EYA4: variants seen among roughly 807,000 people sequenced by gnomAD.
EYA4 encodes the protein protein phosphatase EYA4.
Under a neutral mutation model 87.9 loss-of-function variants are expected in EYA4, and 31 were observed. That is an observed-to-expected ratio of 0.35 (90% CI 0.27 to 0.48). EYA4 has a LOEUF of 0.48. EYA4 is among the 20% of genes least tolerant of loss of function. The pLI, the probability that EYA4 is intolerant of heterozygous loss-of-function variation, is 0.99. For synonymous variants in EYA4, 263 were observed against 270.6 expected, an observed-to-expected ratio of 0.97 and a Z score of 0.28; for missense variants, 678 against 761.4, an observed-to-expected ratio of 0.89 and a Z score of 1.29.
chr6:133,371,730 C>A (rs995691853), intron 2 of EYA4, among the ~76,000 whole-genome samples: 1 of 152,258 alleles, frequency 6.6e-6, no homozygotes, highest in African/African-American at 2.4e-5. Flanking sequence ...CCAGGGGTGG[C>A]ACACATTTTG....
intron 2 of EYA4, among the ~76,000 whole-genome samples, chr6:133,275,482 CATG>C (rs916020640): frequency 1.3e-5 from 2 of 151,740 alleles, no homozygotes; most frequent in African/African-American, 4.8e-5. Flanking sequence ...ACGGACAACT[CATG>C]ATGTTACAAG....
At chr6:133,327,739 A>C (rs1318879462) in intron 2 of EYA4, among the ~76,000 whole-genome samples, 5 of 152,164 alleles carry the variant, frequency 3.3e-5, no homozygotes, top group Non-Finnish European at 5.9e-5. Context: ...AAATTCTCAG[A>C]AGTACACGTA....
intron 2 of EYA4, among the ~76,000 whole-genome samples, chr6:133,341,801 G>GA (rs1279578622): frequency 6.0e-5 from 9 of 150,960 alleles, no homozygotes; most frequent in East Asian, 3.9e-4. Flanking sequence ...CACTTAAGGG[G>GA]AAAAAAAAAC....
intron 16 of EYA4, among the ~76,000 whole-genome samples, chr6:133,514,488 C>T (rs906046047): frequency 5.9e-5 from 9 of 152,242 alleles, no homozygotes; most frequent in East Asian, 1.9e-4. Flanking sequence ...TTCTGTCATA[C>T]GTGAGCATCT....
chr6:133,474,843 A>G (rs193059578), intron 11 of EYA4, among the ~76,000 whole-genome samples: 10 of 152,310 alleles, frequency 6.6e-5, no homozygotes, highest in Admixed American at 3.3e-4. Flanking sequence ...GACTTAAAGT[A>G]GAAACCTAAA....
intron 3 of EYA4, among the ~76,000 whole-genome samples, chr6:133,416,344 G>T (rs1426701092): frequency 6.6e-6 from 1 of 152,206 alleles, no homozygotes; most frequent in Non-Finnish European, 1.5e-5. Context: ...ATGGGATTTG[G>T]TTAGTGAGGG....
chr6:133,334,267 A>AT (rs1306966486), intron 2 of EYA4, among the ~76,000 whole-genome samples: 1 of 152,256 alleles, frequency 6.6e-6, no homozygotes, highest in African/African-American at 2.4e-5. Context: ...ATTGTCTGTG[A>AT]TGTGCCTCAA....
chr6:133,292,278 T>C (rs1366537462), intron 2 of EYA4, among the ~76,000 whole-genome samples: 1 of 152,232 alleles, frequency 6.6e-6, no homozygotes, highest in African/African-American at 2.4e-5. Flanking sequence ...TATTTTAGAA[T>C]GTTGAATCAA....
intron 3 of EYA4, among the ~76,000 whole-genome samples, chr6:133,421,167 A>C (rs1005273609): frequency 2.6e-5 from 4 of 152,162 alleles, no homozygotes; most frequent in Non-Finnish European, 4.4e-5. Flanking sequence ...TGAGGTGTCT[A>C]CCTTTCTCTC....
chr6:133,345,055 C>A (rs1783088982), intron 2 of EYA4, among the ~76,000 whole-genome samples: 1 of 152,028 alleles, frequency 6.6e-6, no homozygotes, highest in African/African-American at 2.4e-5. Flanking sequence ...CTTGAGATGT[C>A]TGTAATAAGG....
At position 133,498,592 on chromosome 6, in the gene EYA4, G is replaced by T. The variant is rs569281134; in HGVS notation, c.1192-7514G>T. Among the ~76,000 whole-genome samples the T allele has an allele frequency of 7.2e-5, 11 of 152,170 alleles. No homozygotes were observed. In the South Asian group the frequency reaches 2.3e-3, roughly 32 times the overall value. ...CAGTGTTGCAGAGAAGTAGCACTAT[G>T]CCAGGGTGACTAGAGAGTGGTTTTG... On this transcript the variant is annotated intron_variant, in intron 13 of 19. Transcript: ENST00000355286.
intron 1 of EYA4, among the ~76,000 whole-genome samples, chr6:133,254,079 A>C (rs1775140925): frequency 6.6e-6 from 1 of 152,126 alleles, no homozygotes; most frequent in Non-Finnish European, 1.5e-5. Flanking sequence ...AACTTATTTA[A>C]AGCCTCATTT....
intron 2 of EYA4, among the ~76,000 whole-genome samples, chr6:133,345,150 T>C (rs1461222696): frequency 6.6e-6 from 1 of 152,084 alleles, no homozygotes; most frequent in African/African-American, 2.4e-5. Context: ...TTGAAATGAA[T>C]CACTGGAATT....
intron 3 of EYA4, among the ~76,000 whole-genome samples, chr6:133,440,795 G>C (rs532024963): frequency 9.4e-4 from 143 of 152,286 alleles, no homozygotes; most frequent in Admixed American, 2.6e-3. Flanking sequence ...GGAGAGTTGT[G>C]AATGTCTGGG....
intron 3 of EYA4, among the ~76,000 whole-genome samples, chr6:133,408,318 A>G (rs1376786874): frequency 2.6e-5 from 4 of 152,118 alleles, no homozygotes; most frequent in African/African-American, 9.7e-5. Flanking sequence ...ACTTTTGTTA[A>G]TGGGCTCAGA....
chr6:133,403,787 T>A (rs1282690036), intron 3 of EYA4, among the ~76,000 whole-genome samples: 1 of 152,170 alleles, frequency 6.6e-6, no homozygotes, highest in African/African-American at 2.4e-5. Flanking sequence ...TATCTTTTCC[T>A]GTCATGTTTT....
intron 5 of EYA4, among the ~76,000 whole-genome samples, chr6:133,449,097 T>A (rs2128628344): frequency 6.6e-6 from 1 of 152,372 alleles, no homozygotes; most frequent in East Asian, 1.9e-4. Context: ...AAAATTATGT[T>A]GCTAGAATTT....
chr6:133,276,452 A>C (rs1006101266), intron 2 of EYA4, among the ~76,000 whole-genome samples: 1 of 152,238 alleles, frequency 6.6e-6, no homozygotes, highest in Non-Finnish European at 1.5e-5. Context: ...TATGTTTAAC[A>C]CTAAAGTGAT....
intron 3 of EYA4, among the ~76,000 whole-genome samples, chr6:133,392,925 C>T (rs539119971): frequency 5.3e-4 from 81 of 152,266 alleles, no homozygotes; most frequent in African/African-American, 1.9e-3. Context: ...AGACTGTTAG[C>T]TGCTTGAGTT....
Sources: allele counts gnomAD v4.1 joint callset (sites outside exome capture counted in the v4.1 genomes callset), GRCh38; gene constraint gnomAD v4.1.1; transcripts MANE v1.5; gene names NCBI Gene and HGNC (gene_info 2026-07-23, HGNC 2026-07-21).